The following SLC18B1 variants were observed in gnomAD, a reference collection of about 807,000 sequenced individuals.
SLC18B1 encodes MFS-type transporter SLC18B1.
SLC18B1 carries 62 observed loss-of-function variants against 53.9 expected under a neutral mutation model. The ratio of observed to expected loss-of-function variants is 1.15; its 90% CI spans 0.94 to 1.42. The LOEUF is 1.42. Ranked by LOEUF, SLC18B1 falls within the 40% of genes most tolerant of loss-of-function variation. SLC18B1 has a pLI of 0.00. For missense variants in SLC18B1, 598 were observed against 547.3 expected, an observed-to-expected ratio of 1.09 and a Z score of -0.93; for synonymous variants, 217 against 200.9, an observed-to-expected ratio of 1.08 and a Z score of -0.68.
At position 132,797,065 on chromosome 6, in the gene SLC18B1, C is replaced by T. The variant is rs367916790; in HGVS notation, c.100G>A (p.Val34Ile). The change falls in exon 2 of 14, where the codon GTT (valine) becomes ATT (isoleucine). Residue 34 changes from valine (V) to isoleucine (I), a missense_variant. Coordinates refer to ENST00000275227, the MANE Select transcript of SLC18B1 (RefSeq NM_052831.3). ...GAAGCTGCCGATATCAGTACAAAAA[C>T]CTGTTCTCTCGAAAGCCACCCGGGG... ...ETPGWLSREQ[V>I]FVLISAASVN... 1 of 1,614,014 alleles carries T rather than the reference C, an allele frequency of 6.2e-7. No homozygotes were observed. The highest frequency in any genetic ancestry group is 1.3e-5 in the African/African-American group (1 of 74,908).
chr6:132,786,462 T>C (rs1226447637), intron 5 of SLC18B1, among the ~76,000 whole-genome samples: 2 of 145,166 alleles, frequency 1.4e-5, no homozygotes, highest in Admixed American at 1.5e-4. Flanking sequence ...GGCAAGAGAA[T>C]AGCGTGAACC....
chr6:132,789,128 C>T (rs1005445811), intron 4 of SLC18B1, among the ~76,000 whole-genome samples: 1 of 152,136 alleles, frequency 6.6e-6, no homozygotes, highest in South Asian at 2.1e-4. Context: ...GCCTCTGGCA[C>T]TCATTTTTCC....
Position 132,773,340 on chromosome 6 carries a change from A to G in SLC18B1, c.990-252T>C, listed in dbSNP as rs567970594. Among the ~76,000 whole-genome samples the G allele has an allele frequency of 2.6e-5, 4 of 152,232 alleles. No individual in the cohort carries two copies. The South Asian group carries it at 8.3e-4, about 32-fold the overall frequency. On this transcript the variant is annotated intron_variant, in intron 9 of 13. Transcript: ENST00000275227. ...TCCATCTCTTTGGTCCTTTGGTTAC[A>G]CATATCACATATCTGGAGCCAACCT... is the stretch of plus-strand genomic sequence containing the variant.
At chr6:132,785,897 C>CAAAAAAAAAAAAAAAAAAAAAGAAA (rs71545048) in intron 5 of SLC18B1, among the ~76,000 whole-genome samples, 1 of 81,180 alleles carries the variant, frequency 1.2e-5, no homozygotes, top group Non-Finnish European at 2.5e-5. Flanking sequence ...CCTGTCTCTA[C>CAAAAAAAAAAAAAAAAAAAAAGAAA]AAAAAAAAAA....
At chr6:132,770,592 T>TGG (rs1162522888) in intron 13 of SLC18B1, among the ~76,000 whole-genome samples, 1 of 151,970 alleles carries the variant, frequency 6.6e-6, no homozygotes, top group Middle Eastern at 3.2e-3. Flanking sequence ...AAAAATTAAC[T>TGG]GGGCATGGTG....
At chr6:132,782,651 T>C (rs1216062846) in intron 6 of SLC18B1, among the ~76,000 whole-genome samples, 1 of 152,162 alleles carries the variant, frequency 6.6e-6, no homozygotes, top group Non-Finnish European at 1.5e-5. Flanking sequence ...ATATTGTCTA[T>C]GGGTCTAAAA....
Position 132,775,480 on chromosome 6 carries a change from A to T in SLC18B1, c.897+848T>A, listed in dbSNP as rs1241833948. Among the ~76,000 whole-genome samples the T allele has an allele frequency of 2.6e-5, 4 of 152,308 alleles. No homozygotes were observed. The East Asian group carries it at 7.7e-4, about 29-fold the overall frequency. On this transcript the variant is annotated intron_variant, in intron 8 of 13. Transcript: ENST00000275227. ...AACCAAGCTCCAAACACTGTTTAAG[A>T]TACTTGCTTTTTGACATCTGGGTTA...
In SLC18B1 at chr6:132,796,117, G is replaced by A. The variant is rs139643737; in HGVS notation, c.183+865C>T. Among the ~76,000 whole-genome samples, 943 of 152,064 alleles carry A rather than the reference G, an allele frequency of 6.2e-3. 9 individuals are homozygous for A. The highest frequency in any genetic ancestry group is 0.021 in the African/African-American group (850 of 41,452). On this transcript the variant is annotated intron_variant, in intron 2 of 13. Transcript: ENST00000275227. ...TAATCCCAGCACTTCGGGAGGCGGAGGCGGGCAGATCATGAGGTCAGGAGA... is the reference window on the plus strand; with the variant it reads ...TAATCCCAGCACTTCGGGAGGCGGAAGCGGGCAGATCATGAGGTCAGGAGA...
chr6:132,791,440 G>C (rs992284939), intron 2 of SLC18B1, among the ~76,000 whole-genome samples: 4 of 152,022 alleles, frequency 2.6e-5, no homozygotes, highest in Non-Finnish European at 4.4e-5. Context: ...CCCATGTAAA[G>C]ATACTATCAT....
In SLC18B1 at chr6:132,774,305, C is replaced by T; in HGVS notation, c.906G>A (p.Arg302=). 1.2e-6 allele frequency: 2 copies of T among 1,612,218 alleles called. No homozygotes were observed. The highest frequency in any genetic ancestry group is 1.7e-6 in the Non-Finnish European group (2 of 1,178,876). ...GLLSDKRPPL[R]KWLLVFGNLI... is the part of the protein sequence containing the mutation. ...AGTTGCCAAACACCAGAAGCCATTTCCTTAGAGGCTGGTAAAGGAGAAAGA... is the reference window on the plus strand; with the variant it reads ...AGTTGCCAAACACCAGAAGCCATTTTCTTAGAGGCTGGTAAAGGAGAAAGA... The change falls in exon 9 of 14, where the codon AGG becomes AGA. Residue 302 remains arginine (R), a synonymous_variant. Coordinates refer to ENST00000275227, the MANE Select transcript of SLC18B1 (RefSeq NM_052831.3).
At chr6:132,775,946 A>G (rs79559327) in intron 8 of SLC18B1, among the ~76,000 whole-genome samples, 3,310 of 152,286 alleles carry the variant, frequency 0.022, 73 homozygotes, top group Non-Finnish European at 0.033. Context: ...GCACATGCCT[A>G]TAATCCCAGC....
chr6:132,777,686 C>T (rs912756648), intron 7 of SLC18B1, among the ~76,000 whole-genome samples: 2 of 152,320 alleles, frequency 1.3e-5, no homozygotes, highest in Non-Finnish European at 2.9e-5. Flanking sequence ...TGCACTCCAG[C>T]CTGGGCAACA....
At chr6:132,786,146 CT>C (rs1267473719) in intron 5 of SLC18B1, among the ~76,000 whole-genome samples, 1 of 152,124 alleles carries the variant, frequency 6.6e-6, no homozygotes, top group Non-Finnish European at 1.5e-5. Flanking sequence ...CTTCTGAGCC[CT>C]TTCTGAGAAA....
At chr6:132,780,852 C>G (rs1039281551) in intron 6 of SLC18B1, among the ~76,000 whole-genome samples, 6 of 151,680 alleles carry the variant, frequency 4.0e-5, no homozygotes, top group African/African-American at 1.5e-4. Context: ...GAGCCACCAC[C>G]CCTGGTAGGT....
At chr6:132,795,928 C>T (rs1261904421) in intron 2 of SLC18B1, among the ~76,000 whole-genome samples, 9 of 152,116 alleles carry the variant, frequency 5.9e-5, no homozygotes, top group East Asian at 1.9e-4. Context: ...GGAGCGGGGC[C>T]GGGGCTGGGC....
intron 2 of SLC18B1, among the ~76,000 whole-genome samples, chr6:132,795,732 T>TG (rs1781658806): frequency 6.6e-6 from 1 of 152,252 alleles, no homozygotes; most frequent in Non-Finnish European, 1.5e-5. Flanking sequence ...TATATCCTAT[T>TG]GACGTCTAGA....
At chr6:132,791,589 G>C (rs942861530) in intron 2 of SLC18B1, among the ~76,000 whole-genome samples, 1 of 152,118 alleles carries the variant, frequency 6.6e-6, no homozygotes, top group Non-Finnish European at 1.5e-5. Context: ...TAAATTTTAG[G>C]AAGGATCTCT....
intron 6 of SLC18B1, among the ~76,000 whole-genome samples, chr6:132,783,193 G>T (rs781165509): frequency 6.6e-6 from 1 of 151,250 alleles, no homozygotes; most frequent in Non-Finnish European, 1.5e-5. Context: ...TTTTTTGAGG[G>T]GGTGGAAGAG....
At chr6:132,779,457 T>C in intron 6 of SLC18B1, 53 bp from the exon 7 acceptor site, 1 of 1,557,836 alleles carries the variant, frequency 6.4e-7, no homozygotes. Context: ...TTAAAATCTC[T>C]TAATTTTAAC....
Sources: gnomAD v4.1 joint callset for allele counts (sites outside exome capture counted in the v4.1 genomes callset) on GRCh38, gnomAD v4.1.1 for gene constraint, MANE v1.5 for transcripts, NCBI Gene and HGNC (gene_info 2026-07-23, HGNC 2026-07-21) for gene names.